DPP10: variants seen among roughly 807,000 people sequenced by gnomAD.
The protein encoded by DPP10 is inactive dipeptidyl peptidase 10.
DPP10 carries 33 observed loss-of-function variants against 120.9 expected under a neutral mutation model. That is an observed-to-expected ratio of 0.27 (90% CI 0.21 to 0.37). The LOEUF is 0.37. Ranked by LOEUF, DPP10 falls within the 10% of genes least tolerant of loss-of-function variation. The pLI is 1.00. For missense variants in DPP10, 816 were observed against 942.8 expected (o/e 0.87, Z 1.76); for synonymous variants, 337 against 326.1 (o/e 1.03, Z -0.36).
At chr2:114,731,763 A>G (rs1008890198) in intron 1 of DPP10, among the ~76,000 whole-genome samples, 35 of 152,174 alleles carry the variant, frequency 2.3e-4, no homozygotes, top group African/African-American at 8.4e-4. Context: ...AGGAGCACCA[A>G]TGAGCACCAA....
intron 1 of DPP10, among the ~76,000 whole-genome samples, chr2:115,051,912 C>T (rs1427363146): frequency 6.6e-6 from 1 of 152,048 alleles, no homozygotes; most frequent in African/African-American, 2.4e-5. Flanking sequence ...GTACATATAT[C>T]AGAACATCAT....
intron 1 of DPP10, among the ~76,000 whole-genome samples, chr2:114,755,042 CTATT>C (rs1311938594): frequency 6.6e-6 from 1 of 152,124 alleles, no homozygotes; most frequent in Admixed American, 6.5e-5. Flanking sequence ...ATGTACTTGA[CTATT>C]TGAGTTGAGT....
chr2:115,016,489 C>A (rs192833370), intron 1 of DPP10, among the ~76,000 whole-genome samples: 1 of 152,124 alleles, frequency 6.6e-6, no homozygotes, highest in Non-Finnish European at 1.5e-5. Context: ...ACAACAAAAG[C>A]CAAAATTGAC....
rs552136959 is a variant in DPP10 at position 114,509,233 on chromosome 2, C to T, written c.60+66395C>T. ...CTCTCTCTTTGGTTTGAACTAGGTT[C>T]AGCAGGCTTTTGTTTCTGACAAATA... On this transcript the variant is annotated intron_variant, in intron 1 of 25. Transcript: ENST00000410059. Among the ~76,000 whole-genome samples, 69 of 152,308 alleles carry T rather than the reference C, an allele frequency of 4.5e-4. 3 individuals are homozygous for T. The South Asian group carries it at 0.013, about 29-fold the overall frequency.
rs1450127432 is a variant in DPP10, at chr2:115,843,418, A to T, written c.*1073A>T. On this transcript the variant is annotated 3_prime_UTR_variant, in exon 26 of 26. Transcript: ENST00000410059. Reference sequence around the variant, plus strand: ...TTTTACTTCTTTCTCTCAGTGCAGAATCAATTCTCATTTTCATCGTAAAAG... The same window carrying T: ...TTTTACTTCTTTCTCTCAGTGCAGATTCAATTCTCATTTTCATCGTAAAAG... 3 of 152,562 alleles carry T rather than the reference A, an allele frequency of 2.0e-5. No individual in the cohort carries two copies. Among genetic ancestry groups the T allele is most frequent in the African/African-American group, 7.2e-5 (3 of 41,460 alleles). 9.5% of individuals were successfully genotyped at this position (152,562 alleles called of 1,614,324 possible).
intron 1 of DPP10, among the ~76,000 whole-genome samples, chr2:115,099,140 AAAAAAAG>A (rs1254676550): frequency 2.0e-5 from 3 of 150,288 alleles, no homozygotes; most frequent in African/African-American, 7.5e-5. Flanking sequence ...CAAAAAAAAA[AAAAAAAG>A]AAAAAAAGAA....
chr2:114,477,320 C>T (rs1434845828), intron 1 of DPP10, among the ~76,000 whole-genome samples: 4 of 151,964 alleles, frequency 2.6e-5, no homozygotes, highest in Non-Finnish European at 5.9e-5. Flanking sequence ...TTGTGAGATC[C>T]ATACGTACTT....
chr2:115,353,314 A>C (rs1430563335), intron 3 of DPP10, among the ~76,000 whole-genome samples: 4 of 152,130 alleles, frequency 2.6e-5, no homozygotes, highest in Non-Finnish European at 5.9e-5. Context: ...TGTAAGTTTA[A>C]CGGTAAGGAA....
chr2:115,324,921 AAG>A (rs1202850063), intron 2 of DPP10, among the ~76,000 whole-genome samples: 5 of 151,006 alleles, frequency 3.3e-5, no homozygotes, highest in Admixed American at 1.3e-4. Flanking sequence ...AGGGGGCCTG[AAG>A]AGAGAGAGAG....
At chr2:115,581,526 C>T (rs2082001947) in intron 5 of DPP10, among the ~76,000 whole-genome samples, 1 of 152,100 alleles carries the variant, frequency 6.6e-6, no homozygotes, top group Non-Finnish European at 1.5e-5. Flanking sequence ...CTCAGCCGCT[C>T]ATGCTACTAT....
intron 1 of DPP10, among the ~76,000 whole-genome samples, chr2:114,805,388 C>A (rs1558759672): frequency 6.6e-6 from 1 of 152,150 alleles, no homozygotes; most frequent in Non-Finnish European, 1.5e-5. Context: ...CGCTCTTGTG[C>A]TGAAAGGTCC....
chr2:114,553,164 T>A (rs1688023071), intron 1 of DPP10, among the ~76,000 whole-genome samples: 1 of 152,218 alleles, frequency 6.6e-6, no homozygotes, highest in African/African-American at 2.4e-5. Flanking sequence ...TTGCTGTACA[T>A]CACATTTCAT....
intron 3 of DPP10, among the ~76,000 whole-genome samples, chr2:115,467,449 C>T (rs771203237): frequency 5.9e-4 from 89 of 151,766 alleles, no homozygotes; most frequent in Non-Finnish European, 9.9e-4. Flanking sequence ...TGGTGGTGGG[C>T]ACTTGTAATC....
chr2:114,496,952 G>A (rs17048444), intron 1 of DPP10, among the ~76,000 whole-genome samples: 5,200 of 151,728 alleles, frequency 0.034, 312 homozygotes, highest in African/African-American at 0.12. Context: ...TGTTATCAAA[G>A]CATGCTGATA....
chr2:114,644,830 A>G (rs1319355819), intron 1 of DPP10, among the ~76,000 whole-genome samples: 3 of 151,934 alleles, frequency 2.0e-5, no homozygotes, highest in Admixed American at 2.0e-4. Flanking sequence ...AGGACGTGCT[A>G]CTAACATTTA....
chr2:114,700,421 T>A (rs1700320177), intron 1 of DPP10, among the ~76,000 whole-genome samples: 1 of 152,132 alleles, frequency 6.6e-6, no homozygotes, highest in Non-Finnish European at 1.5e-5. Flanking sequence ...TATATTTTCC[T>A]GAAAGAGAGT....
intron 1 of DPP10, among the ~76,000 whole-genome samples, chr2:115,003,524 C>A (rs1452352177): frequency 5.3e-5 from 8 of 150,972 alleles, no homozygotes; most frequent in Non-Finnish European, 7.4e-5. Context: ...AATAAAAGTC[C>A]AAAAACGACC....
chr2:115,446,659 A>G (rs1574871032), intron 3 of DPP10, among the ~76,000 whole-genome samples: 3 of 152,108 alleles, frequency 2.0e-5, no homozygotes, highest in South Asian at 2.1e-4. Flanking sequence ...GTCTATTTCC[A>G]TATATCTTCC....
intron 1 of DPP10, among the ~76,000 whole-genome samples, chr2:114,829,875 G>A (rs1359582096): frequency 6.6e-6 from 1 of 152,062 alleles, no homozygotes; most frequent in Non-Finnish European, 1.5e-5. Context: ...ACCCATTTCA[G>A]AACCCGTGTC....
Sources: gnomAD v4.1 joint callset for allele counts (sites outside exome capture counted in the v4.1 genomes callset) on GRCh38, gnomAD v4.1.1 for gene constraint, MANE v1.5 for transcripts, NCBI Gene and HGNC (gene_info 2026-07-23, HGNC 2026-07-21) for gene names.